The following SKIC3 variants were observed in gnomAD, a reference collection of about 807,000 sequenced individuals.
The protein encoded by SKIC3 is SKI3 subunit of superkiller complex.
chr5:95,478,246 A>T, the SKIC3 span: 4 of 1,608,468 alleles, frequency 2.5e-6, no homozygotes, highest in Admixed American at 1.7e-5. Flanking sequence ...AAAGAAAGAT[A>T]AAAAAATCAA....
At chr5:95,521,979 T>A in the SKIC3 span, 1 of 1,591,350 alleles carries the variant, frequency 6.3e-7, no homozygotes, top group Non-Finnish European at 8.6e-7. Flanking sequence ...TTCAATACAT[T>A]TAGGCAGGAA....
the SKIC3 span, among the ~76,000 whole-genome samples, chr5:95,500,455 T>C: frequency 6.6e-6 from 1 of 152,206 alleles, no homozygotes; most frequent in Non-Finnish European, 1.5e-5. Flanking sequence ...CGTTAGTTCC[T>C]TGTTGTATCC....
At chr5:95,525,406 T>C in the SKIC3 span, 5 of 1,613,998 alleles carry the variant, frequency 3.1e-6, no homozygotes, top group Non-Finnish European at 4.2e-6. Context: ...ACCATTTTTC[T>C]GCTTGTAGAT....
the SKIC3 span, among the ~76,000 whole-genome samples, chr5:95,490,288 A>G: frequency 6.6e-6 from 1 of 151,844 alleles, no homozygotes; most frequent in Non-Finnish European, 1.5e-5. Context: ...AATGCTACAA[A>G]ACAAAGATTT....
At chr5:95,495,087 A>G in the SKIC3 span, 2 of 1,483,212 alleles carry the variant, frequency 1.3e-6, no homozygotes, top group African/African-American at 2.8e-5. Context: ...ATTAAGATTG[A>G]TAAGACCTTT....
chr5:95,517,420 G>A, the SKIC3 span: 1 of 1,358,780 alleles, frequency 7.4e-7, no homozygotes, highest in Non-Finnish European at 1.0e-6. Context: ...TGTACATTAA[G>A]TACTTTACTA....
At chr5:95,502,254 T>C in the SKIC3 span, among the ~76,000 whole-genome samples, 2 of 152,092 alleles carry the variant, frequency 1.3e-5, no homozygotes, top group South Asian at 4.1e-4. Context: ...ACCATGAAGA[T>C]TGGTATCACT....
chr5:95,519,803 A>C, the SKIC3 span, among the ~76,000 whole-genome samples: 10 of 152,014 alleles, frequency 6.6e-5, no homozygotes, highest in Admixed American at 2.6e-4. Context: ...TCAGAGAGGC[A>C]GTATTTATAG....
the SKIC3 span, chr5:95,541,370 G>T: frequency 6.2e-7 from 1 of 1,613,376 alleles, no homozygotes; most frequent in Non-Finnish European, 8.5e-7. Context: ...CACCACTTCT[G>T]CTTGTCAACA....
chr5:95,484,745 T>G, the SKIC3 span: 1 of 1,614,202 alleles, frequency 6.2e-7, no homozygotes, highest in African/African-American at 1.3e-5. Context: ...GAGTTTCAGC[T>G]TCAGATATTC....
the SKIC3 span, among the ~76,000 whole-genome samples, chr5:95,537,527 A>C: frequency 6.6e-6 from 1 of 152,224 alleles, no homozygotes; most frequent in East Asian, 1.9e-4. Flanking sequence ...AAGTATCTTC[A>C]ATGATAGCAA....
chr5:95,536,342 A>T, the SKIC3 span, among the ~76,000 whole-genome samples: 1 of 152,190 alleles, frequency 6.6e-6, no homozygotes, highest in Non-Finnish European at 1.5e-5. Flanking sequence ...AGGCAGCTAA[A>T]CTTTCCAAAA....
the SKIC3 span, among the ~76,000 whole-genome samples, chr5:95,526,250 CT>C: frequency 8.0e-5 from 12 of 149,418 alleles, no homozygotes; most frequent in South Asian, 2.1e-4. Context: ...CCCTCCTTCT[CT>C]TTTTTTTTTC....
chr5:95,545,730 C>T, the SKIC3 span, among the ~76,000 whole-genome samples: 1 of 152,196 alleles, frequency 6.6e-6, no homozygotes, highest in Admixed American at 6.5e-5. Context: ...GGCCATCCAA[C>T]TATACTACTA....
chr5:95,465,488 T>G, the SKIC3 span, among the ~76,000 whole-genome samples: 1 of 152,170 alleles, frequency 6.6e-6, no homozygotes, highest in African/African-American at 2.4e-5. Flanking sequence ...CTAAAACATT[T>G]TTTGGTTGTT....
the SKIC3 span, among the ~76,000 whole-genome samples, chr5:95,504,235 C>G: frequency 6.6e-6 from 1 of 152,010 alleles, no homozygotes; most frequent in Non-Finnish European, 1.5e-5. Flanking sequence ...GCTCAGGAGG[C>G]TGAGGCAGGA....
At chr5:95,506,969 G>T in the SKIC3 span, 43 of 1,612,908 alleles carry the variant, frequency 2.7e-5, no homozygotes, top group Non-Finnish European at 3.6e-5. Context: ...TTGCAACATT[G>T]TAAGTATCTT....
At chr5:95,497,277 G>A in the SKIC3 span, 2 of 828,210 alleles carry the variant, frequency 2.4e-6, no homozygotes, top group Non-Finnish European at 4.0e-6. Flanking sequence ...AATGACTAAT[G>A]GAAAATTTAG....
the SKIC3 span, among the ~76,000 whole-genome samples, chr5:95,544,087 T>G: frequency 6.6e-6 from 1 of 152,198 alleles, no homozygotes; most frequent in Non-Finnish European, 1.5e-5. Flanking sequence ...CTTGAGTGTT[T>G]CCACACAACA....
Sources: allele counts gnomAD v4.1 joint callset (sites outside exome capture counted in the v4.1 genomes callset), GRCh38; gene constraint gnomAD v4.1.1; transcripts MANE v1.5; gene names NCBI Gene and HGNC (gene_info 2026-07-23, HGNC 2026-07-21).